The following AUTS2 variants were observed in gnomAD, a reference collection of about 807,000 sequenced individuals.
The protein encoded by AUTS2 is activator of transcription and developmental regulator AUTS2, also known as autism susceptibility gene 2 protein.
A neutral mutation model predicts 112.4 loss-of-function variants in AUTS2; 17 were observed. The ratio of observed to expected loss-of-function variants is 0.15; its 90% CI spans 0.10 to 0.23. The LOEUF (loss-of-function observed/expected upper bound fraction) is 0.23. Among genes scored for constraint, AUTS2 ranks in the 10% least tolerant of loss-of-function variants. The probability of loss-of-function intolerance (pLI) is 1.00; values close to 1 mark genes in which losing one functional copy is unlikely to be tolerated. For missense variants in AUTS2, 1,510 were observed against 1,701.6 expected, an observed-to-expected ratio of 0.89 and a Z score of 1.98; for synonymous variants, 751 against 702.7, an observed-to-expected ratio of 1.07 and a Z score of -1.09.
At chr7:70,441,557 A>G (rs1017967744) in intron 5 of AUTS2, among the ~76,000 whole-genome samples, 1 of 151,996 alleles carries the variant, frequency 6.6e-6, no homozygotes, top group Non-Finnish European at 1.5e-5. Context: ...AGATAACTTA[A>G]ATTTTATTCT....
At chr7:70,054,662 A>G (rs930114811) in intron 2 of AUTS2, among the ~76,000 whole-genome samples, 1 of 152,194 alleles carries the variant, frequency 6.6e-6, no homozygotes, top group Non-Finnish European at 1.5e-5. Context: ...TTCTAAATAC[A>G]CAAAAAAACT....
In AUTS2 at chr7:69,614,370, T is replaced by TCTTTCTTTCTTTTCTTTCTTTTCTTTC. The variant is rs1322536871; in HGVS notation, c.309+14408_309+14409insCTTTCTTTCTTTTCTTTCTTTTCTTTC. Among the ~76,000 whole-genome samples, 13 of 28,542 alleles carry TCTTTCTTTCTTTTCTTTCTTTTCTTTC rather than the reference T, an allele frequency of 4.6e-4. 2 individuals are homozygous for TCTTTCTTTCTTTTCTTTCTTTTCTTTC. The highest frequency in any genetic ancestry group is 1.1e-3 in the South Asian group (1 of 946). 18.7% of individuals were successfully genotyped at this position (28,542 alleles called of 152,430 possible). A position where few individuals can be genotyped will look rare whatever the true frequency, so the allele number is the denominator to read the frequency against. ...TTTCTTTCTTTCTTTCTTTCTTTTT[T>TCTTTCTTTCTTTTCTTTCTTTTCTTTC]TAAGAGATGGGATCTCACTCTGTTT... On this transcript the variant is annotated intron_variant, in intron 1 of 18. Coordinates refer to ENST00000342771, the MANE Select transcript of AUTS2 (RefSeq NM_015570.4).
chr7:70,784,798 C>A, intron 15 of AUTS2, 144 bp from the exon 16 acceptor site: 9 of 465,848 alleles, frequency 1.9e-5, no homozygotes, highest in East Asian at 4.5e-5. Context: ...TACCCTGTGT[C>A]TTGCCTGCAG....
At chr7:70,685,891 G>A (rs1406150965) in intron 5 of AUTS2, among the ~76,000 whole-genome samples, 5 of 152,156 alleles carry the variant, frequency 3.3e-5, no homozygotes, top group Admixed American at 3.3e-4. Context: ...ACCAGCAATT[G>A]CAGAGACTCC....
chr7:69,788,243 G>C (rs1404145262), intron 1 of AUTS2, among the ~76,000 whole-genome samples: 2 of 152,056 alleles, frequency 1.3e-5, no homozygotes, highest in African/African-American at 4.8e-5. Flanking sequence ...TCCCAGGATT[G>C]TTAATGACTT....
At position 69,600,000 on chromosome 7, in the gene AUTS2, C is replaced by T. The variant is rs1302487553; in HGVS notation, c.309+38C>T. 6.2e-6 allele frequency: 10 copies of T among 1,605,592 alleles called. No individual in the cohort carries two copies. In the African/African-American group the frequency reaches 9.4e-5, roughly 15 times the overall value. ...CCCCTTCCCCCGGGTTCCCTTTATG[C>T]ACGACCCCACTCGGCTGCGCCCGGC... is the stretch of plus-strand genomic sequence containing the variant. On this transcript the variant is annotated intron_variant, in intron 1 of 18. Coordinates refer to ENST00000342771, the MANE Select transcript of AUTS2 (RefSeq NM_015570.4). This position sits in a 1 kb window ranked among gnomAD's most constrained non-coding sequence, Gnocchi z 7.0.
At chr7:70,756,409 A>G (rs897873452) in intron 6 of AUTS2, among the ~76,000 whole-genome samples, 1 of 152,266 alleles carries the variant, frequency 6.6e-6, no homozygotes, top group Non-Finnish European at 1.5e-5. Context: ...AGTATACCGA[A>G]TCTCAACCCT....
chr7:70,260,539 G>T (rs1787115302), intron 4 of AUTS2, among the ~76,000 whole-genome samples: 1 of 151,926 alleles, frequency 6.6e-6, no homozygotes, highest in Non-Finnish European at 1.5e-5. Flanking sequence ...CATGGTGAGG[G>T]GGTGAGCATG....
rs191585871 is a variant in AUTS2, at chr7:70,357,179, A to G, written c.661-78573A>G. Among the ~76,000 whole-genome samples, 217 of 152,314 alleles carry G rather than the reference A, an allele frequency of 1.4e-3. 1 individual carries two copies. The East Asian group carries it at 0.017, about 12-fold the overall frequency. On this transcript the variant is annotated intron_variant, in intron 4 of 18. Coordinates refer to ENST00000342771, the MANE Select transcript of AUTS2 (RefSeq NM_015570.4). ...GTAAGGAACATTTTGGTGGTAATGA[A>G]GTAGGCAGGAACAAACCGCGCAGGG...
chr7:70,339,277 A>G lies in AUTS2; in HGVS notation c.661-96475A>G, dbSNP rs547121317. 3.0e-4 allele frequency among the ~76,000 whole-genome samples: 46 copies of G among 152,276 alleles called. 2 individuals carry two copies. In the South Asian group the frequency reaches 8.9e-3, roughly 29 times the overall value. On this transcript the variant is annotated intron_variant, in intron 4 of 18. Transcript: ENST00000342771. ...TAGTCATCTCAAAGCTATTTTTAAAATTCTTATTGTTATTATCTCTTTGCA... is the reference window on the plus strand; with the variant it reads ...TAGTCATCTCAAAGCTATTTTTAAAGTTCTTATTGTTATTATCTCTTTGCA...
intron 2 of AUTS2, among the ~76,000 whole-genome samples, chr7:70,103,235 A>G (rs1051674472): frequency 6.6e-6 from 1 of 152,180 alleles, no homozygotes; most frequent in East Asian, 1.9e-4. Flanking sequence ...TTTGGAAATA[A>G]TGCACACTCC....
At chr7:70,050,306 G>A (rs1289855934) in intron 2 of AUTS2, among the ~76,000 whole-genome samples, 1 of 126,256 alleles carries the variant, frequency 7.9e-6, no homozygotes, top group African/African-American at 3.0e-5. Context: ...GCAGTGAGCC[G>A]AGATCGAGCC....
At chr7:70,032,803 A>G (rs1326263243) in intron 2 of AUTS2, among the ~76,000 whole-genome samples, 1 of 151,834 alleles carries the variant, frequency 6.6e-6, no homozygotes, top group Non-Finnish European at 1.5e-5. Flanking sequence ...TAATTATGCT[A>G]TGTTGGTTTA....
intron 1 of AUTS2, among the ~76,000 whole-genome samples, chr7:69,834,742 G>A (rs926763286): frequency 2.0e-5 from 3 of 152,184 alleles, no homozygotes; most frequent in Non-Finnish European, 2.9e-5. Flanking sequence ...TAGGCACTTA[G>A]CATGACTGCT....
At chr7:69,819,380 G>C (rs984411380) in intron 1 of AUTS2, among the ~76,000 whole-genome samples, 3 of 152,228 alleles carry the variant, frequency 2.0e-5, no homozygotes, top group Non-Finnish European at 4.4e-5. Context: ...GTATGACTAA[G>C]TGCTGCAAAA....
intron 2 of AUTS2, among the ~76,000 whole-genome samples, chr7:69,928,898 G>A (rs1198769026): frequency 6.6e-6 from 1 of 152,164 alleles, no homozygotes; most frequent in East Asian, 1.9e-4. Context: ...CCACTGCAGC[G>A]GGTGTCCTCG....
intron 1 of AUTS2, among the ~76,000 whole-genome samples, chr7:69,726,763 C>G (rs572494838): frequency 5.9e-5 from 9 of 152,120 alleles, no homozygotes; most frequent in Non-Finnish European, 1.3e-4. Context: ...TATGGTATTT[C>G]AGTATGGTTT....
chr7:70,667,258 T>TA (rs1320446737), intron 5 of AUTS2, among the ~76,000 whole-genome samples: 1 of 152,212 alleles, frequency 6.6e-6, no homozygotes, highest in Non-Finnish European at 1.5e-5. Context: ...GTTTCCTACT[T>TA]ACTCATTTAT....
intron 1 of AUTS2, among the ~76,000 whole-genome samples, chr7:69,704,088 G>C (rs1370792017): frequency 1.3e-5 from 2 of 152,006 alleles, no homozygotes; most frequent in Non-Finnish European, 2.9e-5. Context: ...CCCCTGACTT[G>C]TCACCCTGAC....
Sources: gnomAD v4.1 joint callset for allele counts (sites outside exome capture counted in the v4.1 genomes callset) on GRCh38, gnomAD v4.1.1 for gene constraint, Gnocchi (gnomAD v3.1) non-coding constraint, MANE v1.5 for transcripts, NCBI Gene and HGNC (gene_info 2026-07-23, HGNC 2026-07-21) for gene names.